LRRC75A: variants seen among roughly 807,000 people sequenced by gnomAD.
The protein encoded by LRRC75A is leucine rich repeat containing 75A.
A neutral mutation model predicts 26.0 loss-of-function variants in LRRC75A; 12 were observed. That is an observed-to-expected ratio of 0.46 (90% CI 0.30 to 0.75). The LOEUF (loss-of-function observed/expected upper bound fraction) is 0.75. Ranked by LOEUF, LRRC75A falls within the 30% of genes least tolerant of loss-of-function variation. The pLI, the probability that LRRC75A is intolerant of heterozygous loss-of-function variation, is 0.08. For synonymous variants in LRRC75A, 223 were observed against 219.3 expected, an observed-to-expected ratio of 1.02 and a Z score of -0.15; for missense variants, 410 against 486.6, an observed-to-expected ratio of 0.84 and a Z score of 1.48.
rs1440592256 is a variant in LRRC75A at position 16,491,824 on chromosome 17, C to A, written c.167G>T (p.Gly56Val). The stretch of plus-strand genomic sequence containing the variant: ...CATCCGCAGCAGCTCCTGGACCATG[C>A]CGACTCGCCGGTGGTAGGGGGGCAT... ...AGMPPYHRRV[G>V]MVQELLRMVR... Residue 56 changes from glycine (G) to valine (V), a missense_variant, in exon 1 of 4, where the codon GGC becomes GTC. By Grantham distance (109) the Gly-to-Val change is moderately radical. Coordinates refer to ENST00000470794, the MANE Select transcript of LRRC75A (RefSeq NM_001113567.3). This position sits in a 1 kb window ranked among gnomAD's most constrained non-coding sequence, Gnocchi z 5.9. The A allele has an allele frequency of 3.5e-6, 5 of 1,410,298 alleles. No homozygotes were observed. In the African/African-American group the frequency reaches 4.5e-5, roughly 13 times the overall value. 87.4% of individuals were successfully genotyped at this position (1,410,298 alleles called of 1,614,324 possible).
intron 1 of LRRC75A, among the ~76,000 whole-genome samples, chr17:16,475,885 A>G (rs2093818563): frequency 6.6e-6 from 1 of 152,100 alleles, no homozygotes; most frequent in African/African-American, 2.4e-5. Context: ...CCTCTCTACT[A>G]AAAATATAAA....
intron 1 of LRRC75A, among the ~76,000 whole-genome samples, chr17:16,484,765 G>T (rs1383226509): frequency 6.6e-6 from 1 of 152,176 alleles, no homozygotes; most frequent in African/African-American, 2.4e-5. Context: ...ACTGAGGGCC[G>T]AGCAGGAGCG....
At chr17:16,457,966 C>A (rs1297203263) in intron 2 of LRRC75A, among the ~76,000 whole-genome samples, 2 of 151,120 alleles carry the variant, frequency 1.3e-5, no homozygotes, top group South Asian at 2.1e-4. Context: ...AGAGTGGGAC[C>A]CTGTCTCAAA....
In LRRC75A at chr17:16,466,674, G is replaced by A. The variant is rs963452430; in HGVS notation, c.247-4288C>T. 2.7e-4 allele frequency among the ~76,000 whole-genome samples: 41 copies of A among 152,168 alleles called. No homozygotes were observed. In the South Asian group the frequency reaches 7.7e-3, roughly 29 times the overall value. Reference sequence around the variant, plus strand: ...CCGAGTCACTCTCGGCTCCCTTTCCGAGCTGCCGGACCCAGCACACAGCAG... The same window carrying A: ...CCGAGTCACTCTCGGCTCCCTTTCCAAGCTGCCGGACCCAGCACACAGCAG... On this transcript the variant is annotated intron_variant, in intron 1 of 3. Coordinates refer to ENST00000470794, the MANE Select transcript of LRRC75A (RefSeq NM_001113567.3).
chr17:16,483,786 C>T (rs556836656), intron 1 of LRRC75A, among the ~76,000 whole-genome samples: 1 of 152,274 alleles, frequency 6.6e-6, no homozygotes, highest in African/African-American at 2.4e-5. Flanking sequence ...CTTCTGGGGT[C>T]CTTGCCATCC....
rs920386661 is a variant in LRRC75A, at chr17:16,473,760, C to T, written c.247-11374G>A. Among the ~76,000 whole-genome samples the T allele has an allele frequency of 2.0e-5, 3 of 152,208 alleles. No homozygotes were observed. The South Asian group carries it at 6.2e-4, about 31-fold the overall frequency. On this transcript the variant is annotated intron_variant, in intron 1 of 3. Coordinates refer to ENST00000470794, the MANE Select transcript of LRRC75A (RefSeq NM_001113567.3). ...TGACTCTCCCACCTGTCCAAGGCCA[C>T]GTGGCCCCTGCAGGTTTTTGAAGCC... is the stretch of plus-strand genomic sequence containing the variant.
At chr17:16,459,021 C>A (rs966156569) in intron 2 of LRRC75A, among the ~76,000 whole-genome samples, 3 of 152,224 alleles carry the variant, frequency 2.0e-5, no homozygotes, top group African/African-American at 7.2e-5. Flanking sequence ...TCCTGTGAAA[C>A]AACTTCCTAC....
intron 1 of LRRC75A, among the ~76,000 whole-genome samples, chr17:16,474,379 G>A (rs543538759): frequency 1.3e-5 from 2 of 152,226 alleles, no homozygotes; most frequent in African/African-American, 2.4e-5. Context: ...CCTGCTGGAC[G>A]TTTCAGCTAC....
rs753667439 is a variant in LRRC75A at position 16,443,679 on chromosome 17, G to C, written c.944C>G (p.Thr315Arg). ...CCCTCCAGGGTCCTCCTGGCCTACT[G>C]TCCCTTCCCGGACCTCCTCCCCACT... ...PGSGEEVREGTVGQEDPGGGP... is the reference protein window; with the variant it reads ...PGSGEEVREGRVGQEDPGGGP... The change falls in exon 4 of 4, where the codon ACA (threonine) becomes AGA (arginine). Residue 315 changes from threonine to arginine, a missense_variant. Thr to Arg is a moderately conservative substitution (Grantham distance 71). Coordinates refer to ENST00000470794, the MANE Select transcript of LRRC75A (RefSeq NM_001113567.3). 12 of 1,597,252 alleles carry C rather than the reference G, an allele frequency of 7.5e-6. No homozygotes were observed. In the Admixed American group the frequency reaches 1.9e-4, roughly 26 times the overall value.
chr17:16,455,687 G>A (rs1364611149), intron 2 of LRRC75A, among the ~76,000 whole-genome samples: 1 of 152,132 alleles, frequency 6.6e-6, no homozygotes, highest in Non-Finnish European at 1.5e-5. Flanking sequence ...ACAACCCTAT[G>A]AGACAGGTAT....
At chr17:16,456,174 A>G (rs2093677696) in intron 2 of LRRC75A, among the ~76,000 whole-genome samples, 1 of 109,546 alleles carries the variant, frequency 9.1e-6, no homozygotes, top group Non-Finnish European at 1.9e-5. Context: ...GAGGAGGGGT[A>G]GGAGGAGGAA....
chr17:16,461,502 G>C (rs994509158), intron 2 of LRRC75A, among the ~76,000 whole-genome samples: 2 of 152,364 alleles, frequency 1.3e-5, no homozygotes, highest in East Asian at 1.9e-4. Context: ...CCTAGACCTG[G>C]AGCTGCAGGA....
intron 1 of LRRC75A, among the ~76,000 whole-genome samples, chr17:16,476,375 A>C (rs1165240168): frequency 6.6e-6 from 1 of 151,600 alleles, no homozygotes; most frequent in African/African-American, 2.4e-5. Flanking sequence ...CTCAAAAAAA[A>C]AAATTTTTTT....
At chr17:16,448,713 G>T (rs988474761) in intron 2 of LRRC75A, among the ~76,000 whole-genome samples, 2 of 152,132 alleles carry the variant, frequency 1.3e-5, no homozygotes, top group African/African-American at 4.8e-5. Context: ...CTGTATGACT[G>T]GTGTCCTAAG....
chr17:16,478,954 T>A (rs1343725391), intron 1 of LRRC75A, among the ~76,000 whole-genome samples: 1 of 152,034 alleles, frequency 6.6e-6, no homozygotes, highest in African/African-American at 2.4e-5. Context: ...CTTACCGGGG[T>A]GGGAGCACTC....
intron 1 of LRRC75A, among the ~76,000 whole-genome samples, chr17:16,465,754 C>A (rs1421465595): frequency 6.6e-6 from 1 of 152,246 alleles, no homozygotes; most frequent in East Asian, 1.9e-4. Context: ...CCTGCCGTCT[C>A]CCCGCGCCAT....
rs955569689 is a variant in LRRC75A at position 16,444,100 on chromosome 17, C to T, written c.523G>A (p.Asp175Asn). The T allele has an allele frequency of 4.4e-6, 7 of 1,607,260 alleles. No individual in the cohort carries two copies. The African/African-American group carries it at 6.7e-5, about 15-fold the overall frequency. The change falls in exon 4 of 4, where the codon GAC (aspartate) becomes AAC (asparagine). Residue 175 changes from aspartate (D) to asparagine (N), a missense_variant. Asp to Asn is a conservative substitution (Grantham distance 23). Transcript: ENST00000470794. ...LKAVLAGSPP[D>N]NTVDLSGIPL... is the part of the protein sequence containing the mutation. ...ATTCCCGACAGGTCCACTGTGTTGTCTGGGGGGCTTCCGGCCAGGACAGCC... is the reference window on the plus strand; with the variant it reads ...ATTCCCGACAGGTCCACTGTGTTGTTTGGGGGGCTTCCGGCCAGGACAGCC...
At chr17:16,476,831 C>T (rs185346274) in intron 1 of LRRC75A, among the ~76,000 whole-genome samples, 222 of 149,058 alleles carry the variant, frequency 1.5e-3, no homozygotes, top group African/African-American at 4.9e-3. Context: ...CTCCGCCTCC[C>T]GGGTTCACGC....
intron 1 of LRRC75A, among the ~76,000 whole-genome samples, chr17:16,477,932 G>C (rs574720008): frequency 6.6e-6 from 1 of 152,240 alleles, no homozygotes; most frequent in African/African-American, 2.4e-5. Context: ...GGAGGTAGGA[G>C]CTGTGGGTGG....
Sources: allele counts gnomAD v4.1 joint callset (sites outside exome capture counted in the v4.1 genomes callset), GRCh38; gene constraint gnomAD v4.1.1; non-coding constraint Gnocchi (gnomAD v3.1); transcripts MANE v1.5; gene names NCBI Gene and HGNC (gene_info 2026-07-23, HGNC 2026-07-21).